Variants in PIK3C2G observed in about 807,000 individuals in gnomAD.
PIK3C2G encodes the protein phosphatidylinositol-4-phosphate 3-kinase catalytic subunit type 2 gamma.
In PIK3C2G, 168 loss-of-function variants were observed where a neutral mutation model predicts 181.1. That is an observed-to-expected ratio of 0.93 (90% CI 0.82 to 1.05). The LOEUF is 1.05. Among genes scored for constraint, PIK3C2G ranks in the 50% least tolerant of loss-of-function variants. PIK3C2G has a pLI of 0.00. For missense variants in PIK3C2G, 1,869 were observed against 1,732.8 expected, an observed-to-expected ratio of 1.08 and a Z score of -1.40; for synonymous variants, 573 against 592.2, an observed-to-expected ratio of 0.97 and a Z score of 0.47.
chr12:18,387,398 CTT>C (rs1943241944), intron 14 of PIK3C2G, among the ~76,000 whole-genome samples: 2 of 152,160 alleles, frequency 1.3e-5, no homozygotes, highest in Admixed American at 6.5e-5. Context: ...CATCGCTTCT[CTT>C]GCCAGTCCCT....
At chr12:18,280,628 T>C (rs1481266080) in intron 1 of PIK3C2G, among the ~76,000 whole-genome samples, 1 of 151,948 alleles carries the variant, frequency 6.6e-6, no homozygotes, top group Non-Finnish European at 1.5e-5. Context: ...TTAAGGAACT[T>C]CCAAGTCAAC....
intron 6 of PIK3C2G, among the ~76,000 whole-genome samples, chr12:18,316,154 G>T (rs556462019): frequency 2.3e-4 from 35 of 152,216 alleles, no homozygotes; most frequent in African/African-American, 8.4e-4. Context: ...AAAGTTAAGA[G>T]ATTATTTAAA....
At chr12:18,640,179 T>C (rs1020217214) in intron 31 of PIK3C2G, among the ~76,000 whole-genome samples, 2 of 152,036 alleles carry the variant, frequency 1.3e-5, no homozygotes, top group South Asian at 4.1e-4. Flanking sequence ...GTAAATTATA[T>C]GTAATGGACT....
intron 26 of PIK3C2G, among the ~76,000 whole-genome samples, chr12:18,547,995 G>T (rs78249169): frequency 8.6e-5 from 13 of 152,026 alleles, no homozygotes; most frequent in South Asian, 4.1e-4. Context: ...AGTCTGGAAG[G>T]TCCTTCAGAA....
At chr12:18,458,376 A>G (rs1947740218) in intron 18 of PIK3C2G, among the ~76,000 whole-genome samples, 3 of 152,202 alleles carry the variant, frequency 2.0e-5, no homozygotes, top group Non-Finnish European at 4.4e-5. Context: ...ATGAAGAAAA[A>G]GTAGATTGCA....
At chr12:18,669,739 C>A in the PIK3C2G span, among the ~76,000 whole-genome samples, 1 of 152,078 alleles carries the variant, frequency 6.6e-6, no homozygotes, top group Non-Finnish European at 1.5e-5. Flanking sequence ...CTCACTGCAA[C>A]CTCCGCCTCC....
In PIK3C2G at chr12:18,494,309, ACT is replaced by A. The variant is rs536820028; in HGVS notation, c.2794-1750_2794-1749del. Among the ~76,000 whole-genome samples the A allele has an allele frequency of 1.5e-4, 23 of 152,098 alleles. No individual in the cohort carries two copies. In the South Asian group the frequency reaches 4.8e-3, roughly 32 times the overall value. On this transcript the variant is annotated intron_variant, in intron 20 of 32. Transcript: ENST00000538779. ...CTCAAAATCTTCAAGATCTAGTAAA[ACT>A]CTGAAAATTTTTTTCTTAAAATGTG... is the stretch of plus-strand genomic sequence containing the variant.
At chr12:18,634,262 T>C (rs1161915143) in intron 31 of PIK3C2G, among the ~76,000 whole-genome samples, 1 of 152,178 alleles carries the variant, frequency 6.6e-6, no homozygotes, top group African/African-American at 2.4e-5. Flanking sequence ...TCCAATAGTG[T>C]GAAGCATGAT....
At chr12:18,718,486 A>C in the PIK3C2G span, among the ~76,000 whole-genome samples, 1 of 151,250 alleles carries the variant, frequency 6.6e-6, no homozygotes, top group Non-Finnish European at 1.5e-5. Context: ...ACCTCCTCAA[A>C]CTCACCTCCC....
chr12:18,587,318 A>G (rs1247823826), intron 29 of PIK3C2G, among the ~76,000 whole-genome samples: 2 of 152,292 alleles, frequency 1.3e-5, no homozygotes, highest in Admixed American at 1.3e-4. Context: ...CCATTGTCTC[A>G]GCCCAAAAGC....
chr12:18,555,806 T>C (rs555387443), intron 26 of PIK3C2G, among the ~76,000 whole-genome samples: 3 of 152,268 alleles, frequency 2.0e-5, no homozygotes, highest in Non-Finnish European at 4.4e-5. Context: ...ATTGTTTGCT[T>C]TTTAAAATCC....
At chr12:18,437,492 C>T (rs1430483155) in intron 18 of PIK3C2G, among the ~76,000 whole-genome samples, 2 of 152,068 alleles carry the variant, frequency 1.3e-5, no homozygotes, top group South Asian at 2.1e-4. Context: ...TTAGACTTGA[C>T]AGTCTACCTG....
intron 8 of PIK3C2G, among the ~76,000 whole-genome samples, chr12:18,327,533 C>A (rs560591990): frequency 6.6e-6 from 1 of 151,938 alleles, no homozygotes; most frequent in African/African-American, 2.4e-5. Context: ...TAGATGATAA[C>A]AATTTTAGGC....
At position 18,391,272 on chromosome 12, in the gene PIK3C2G, T is replaced by C. The variant is rs1363023865; in HGVS notation, c.2126+20T>C. 4 of 1,538,856 alleles carry C rather than the reference T, an allele frequency of 2.6e-6. No individual in the cohort carries two copies. In the East Asian group the frequency reaches 7.1e-5, roughly 27 times the overall value. ...CCTACTGTAAGTGACCTAGGTCTTG[T>C]GAATGAATTTTTGCCTGCTGTTTAT... On this transcript the variant is annotated intron_variant, in intron 15 of 32. Coordinates refer to ENST00000538779, the MANE Select transcript of PIK3C2G (RefSeq NM_001288772.2).
chr12:18,584,470 A>G (rs1165726817), intron 29 of PIK3C2G, among the ~76,000 whole-genome samples: 1 of 152,198 alleles, frequency 6.6e-6, no homozygotes, highest in Non-Finnish European at 1.5e-5. Flanking sequence ...TCTCTGAAAT[A>G]AGACAGTCAG....
chr12:18,379,980 C>T (rs1565656090), intron 13 of PIK3C2G, among the ~76,000 whole-genome samples: 2 of 152,214 alleles, frequency 1.3e-5, no homozygotes, highest in Non-Finnish European at 2.9e-5. Flanking sequence ...TCACGAGTTC[C>T]TCCTGCCTGT....
chr12:18,607,132 A>C, intron 30 of PIK3C2G: 1 of 515,696 alleles, frequency 1.9e-6, no homozygotes, highest in Admixed American at 2.0e-5. Flanking sequence ...AGTTCAGGGA[A>C]AGATGACCAC....
chr12:18,571,050 A>T (rs1945909862), intron 29 of PIK3C2G, among the ~76,000 whole-genome samples: 1 of 150,768 alleles, frequency 6.6e-6, no homozygotes, highest in African/African-American at 2.5e-5. Context: ...GTTTGATTGC[A>T]CCCCACAAAT....
chr12:18,296,345 C>T (rs1299776902), intron 5 of PIK3C2G, among the ~76,000 whole-genome samples: 2 of 152,044 alleles, frequency 1.3e-5, no homozygotes, highest in East Asian at 1.9e-4. Flanking sequence ...GATTTCAGTT[C>T]GTCTGGGTGA....
Sources: gnomAD v4.1 joint callset for allele counts (sites outside exome capture counted in the v4.1 genomes callset) on GRCh38, gnomAD v4.1.1 for gene constraint, MANE v1.5 for transcripts, NCBI Gene and HGNC (gene_info 2026-07-23, HGNC 2026-07-21) for gene names.